PDE4B: variants seen among roughly 807,000 people sequenced by gnomAD.
PDE4B encodes 3',5'-cyclic-AMP phosphodiesterase 4B.
PDE4B carries 20 observed loss-of-function variants against 82.2 expected under a neutral mutation model. The observed-to-expected ratio is 0.24, with a 90% CI of 0.17 to 0.35. PDE4B has a LOEUF of 0.35. Among genes scored for constraint, PDE4B ranks in the 10% least tolerant of loss-of-function variants. PDE4B has a pLI of 1.00. For synonymous variants in PDE4B, 320 were observed against 318.9 expected (o/e 1.00, Z -0.04); for missense variants, 655 against 907.2 (o/e 0.72, Z 3.57).
chr1:66,240,018 G>A (rs1652763674), intron 3 of PDE4B, among the ~76,000 whole-genome samples: 1 of 152,162 alleles, frequency 6.6e-6, no homozygotes, highest in African/African-American at 2.4e-5. Flanking sequence ...GTGGTCATTG[G>A]GCCTCTCCTT....
chr1:65,924,993 G>T (rs1647421520), intron 3 of PDE4B, among the ~76,000 whole-genome samples: 1 of 152,160 alleles, frequency 6.6e-6, no homozygotes, highest in Admixed American at 6.5e-5. Flanking sequence ...CAGGGGAGGG[G>T]ATTCTGCAAA....
intron 3 of PDE4B, among the ~76,000 whole-genome samples, chr1:66,161,182 A>G (rs1016346231): frequency 1.3e-5 from 2 of 152,144 alleles, no homozygotes; most frequent in African/African-American, 4.8e-5. Flanking sequence ...ACAGAACATC[A>G]GCAGCGATAT....
chr1:66,039,297 G>T (rs142551932), intron 3 of PDE4B, among the ~76,000 whole-genome samples: 115 of 152,124 alleles, frequency 7.6e-4, no homozygotes, highest in African/African-American at 2.5e-3. Context: ...TCTTCTTAGT[G>T]TATCTTTAAG....
At chr1:66,347,294 AC>A (rs1661469696) in intron 8 of PDE4B, among the ~76,000 whole-genome samples, 1 of 152,160 alleles carries the variant, frequency 6.6e-6, no homozygotes, top group African/African-American at 2.4e-5. Flanking sequence ...AAGCCCAACT[AC>A]CTTTTTTAAT....
At chr1:66,187,704 T>C (rs56005453) in intron 3 of PDE4B, among the ~76,000 whole-genome samples, 34,337 of 151,612 alleles carry the variant, frequency 0.23, 3,847 homozygotes, top group African/African-American at 0.26. Context: ...TTTTATTGCA[T>C]CTGTTTGATT....
At chr1:66,050,930 G>A (rs547864927) in intron 3 of PDE4B, among the ~76,000 whole-genome samples, 1 of 152,204 alleles carries the variant, frequency 6.6e-6, no homozygotes, top group South Asian at 2.1e-4. Context: ...AAACTACACA[G>A]GAAGGACTGA....
At chr1:66,026,513 A>G (rs1653442642) in intron 3 of PDE4B, among the ~76,000 whole-genome samples, 1 of 152,194 alleles carries the variant, frequency 6.6e-6, no homozygotes, top group African/African-American at 2.4e-5. Context: ...AGAAGCATTT[A>G]ATCTCTATGT....
At chr1:66,142,319 A>T (rs1042332533) in intron 3 of PDE4B, among the ~76,000 whole-genome samples, 1 of 152,186 alleles carries the variant, frequency 6.6e-6, no homozygotes, top group African/African-American at 2.4e-5. Flanking sequence ...GAAAGTCAAC[A>T]GTAGTGCTAA....
At chr1:66,277,595 T>C (rs1456529629) in intron 7 of PDE4B, among the ~76,000 whole-genome samples, 2 of 151,968 alleles carry the variant, frequency 1.3e-5, no homozygotes, top group African/African-American at 4.8e-5. Context: ...GGGGTTTCAC[T>C]ATGTTAGCCA....
intron 4 of PDE4B, among the ~76,000 whole-genome samples, chr1:66,249,649 C>G (rs1322325052): frequency 1.3e-5 from 2 of 152,046 alleles, no homozygotes; most frequent in South Asian, 2.1e-4. Context: ...ATTTTACTGG[C>G]CAGTAAAATT....
intron 7 of PDE4B, among the ~76,000 whole-genome samples, chr1:66,329,150 G>C (rs1659935483): frequency 6.6e-6 from 1 of 152,162 alleles, no homozygotes; most frequent in Admixed American, 6.5e-5. Context: ...AGGGCCTTCA[G>C]GTTGCTGTGA....
At chr1:66,307,343 G>C (rs536858) in intron 7 of PDE4B, among the ~76,000 whole-genome samples, 93,462 of 151,876 alleles carry the variant, frequency 0.62, 29,343 homozygotes, top group African/African-American at 0.71. Flanking sequence ...AGATGTAAAT[G>C]AGTGAGGATA....
At chr1:66,283,340 G>T (rs888978602) in intron 7 of PDE4B, among the ~76,000 whole-genome samples, 1 of 151,426 alleles carries the variant, frequency 6.6e-6, no homozygotes, top group African/African-American at 2.4e-5. Context: ...CATCATTGCC[G>T]TTATTGTTAC....
chr1:65,998,358 A>G (rs1032974959), intron 3 of PDE4B, among the ~76,000 whole-genome samples: 8 of 151,062 alleles, frequency 5.3e-5, no homozygotes, highest in African/African-American at 1.9e-4. Context: ...GATTGGAGCC[A>G]TTTGCTAGGG....
intron 7 of PDE4B, among the ~76,000 whole-genome samples, chr1:66,280,219 C>A (rs940814993): frequency 1.3e-5 from 2 of 152,212 alleles, no homozygotes; most frequent in African/African-American, 4.8e-5. Flanking sequence ...AATGATAGTT[C>A]GAAAGACCAG....
Position 65,847,894 on chromosome 1 carries a change from G to T in PDE4B, c.-71+54646G>T, listed in dbSNP as rs549422317. Among the ~76,000 whole-genome samples, 4 of 152,162 alleles carry T rather than the reference G, an allele frequency of 2.6e-5. No individual in the cohort carries two copies. The South Asian group carries it at 8.3e-4, about 32-fold the overall frequency. Reference sequence around the variant, plus strand: ...AAATTAAATGAATGGGGGAGTTAATGTATTGATTAATTTTGTGAATTCATA... The same window carrying T: ...AAATTAAATGAATGGGGGAGTTAATTTATTGATTAATTTTGTGAATTCATA... On this transcript the variant is annotated intron_variant, in intron 1 of 16. Transcript: ENST00000341517.
intron 7 of PDE4B, among the ~76,000 whole-genome samples, chr1:66,294,767 C>T (rs1016507391): frequency 1.3e-5 from 2 of 151,480 alleles, no homozygotes; most frequent in African/African-American, 2.4e-5. Flanking sequence ...AGGAGAGACA[C>T]GGTTAAGAGA....
intron 3 of PDE4B, among the ~76,000 whole-genome samples, chr1:65,998,128 G>A (rs938129106): frequency 2.6e-5 from 4 of 152,056 alleles, no homozygotes; most frequent in African/African-American, 4.8e-5. Flanking sequence ...ACTCATTTAA[G>A]CATATAAAAC....
At chr1:66,204,617 G>T (rs1245040362) in intron 3 of PDE4B, among the ~76,000 whole-genome samples, 1 of 152,208 alleles carries the variant, frequency 6.6e-6, no homozygotes, top group Non-Finnish European at 1.5e-5. Context: ...AGCAATCAAC[G>T]AGACTCCATG....
Sources: allele counts gnomAD v4.1 joint callset (sites outside exome capture counted in the v4.1 genomes callset), GRCh38; gene constraint gnomAD v4.1.1; transcripts MANE v1.5; gene names NCBI Gene and HGNC (gene_info 2026-07-23, HGNC 2026-07-21).